Variants in UBE2E2 observed in about 807,000 individuals in gnomAD.
UBE2E2 encodes the protein ubiquitin-conjugating enzyme E2 E2.
Under a neutral mutation model 24.7 loss-of-function variants are expected in UBE2E2, and 6 were observed. The ratio of observed to expected loss-of-function variants is 0.24; its 90% CI spans 0.13 to 0.48. UBE2E2 has a LOEUF of 0.48. UBE2E2 is among the 20% of genes least tolerant of loss of function. The probability of loss-of-function intolerance (pLI) is 0.99; values close to 1 mark genes in which losing one functional copy is unlikely to be tolerated. For missense variants in UBE2E2, 169 were observed against 245.0 expected (o/e 0.69, Z 2.07); for synonymous variants, 104 against 83.6 (o/e 1.24, Z -1.33).
intron 3 of UBE2E2, among the ~76,000 whole-genome samples, chr3:23,260,676 T>A (rs959253513): frequency 6.6e-6 from 1 of 152,092 alleles, no homozygotes; most frequent in Non-Finnish European, 1.5e-5. Context: ...GCGAGCATGG[T>A]GGTGCATGCT....
chr3:23,325,910 C>A (rs1377344838), intron 3 of UBE2E2, among the ~76,000 whole-genome samples: 1 of 152,194 alleles, frequency 6.6e-6, no homozygotes, highest in Admixed American at 6.5e-5. Flanking sequence ...GATATAGTCA[C>A]ACTGTGAGTA....
intron 3 of UBE2E2, among the ~76,000 whole-genome samples, chr3:23,466,194 A>AT (rs1698915297): frequency 6.6e-6 from 1 of 152,216 alleles, no homozygotes; most frequent in Admixed American, 6.5e-5. Context: ...TGACTTCATG[A>AT]TTTTTTAAAG....
intron 3 of UBE2E2, among the ~76,000 whole-genome samples, chr3:23,463,532 G>T (rs1326519135): frequency 6.6e-6 from 1 of 152,012 alleles, no homozygotes; most frequent in African/African-American, 2.4e-5. Context: ...TTTAGCCTGT[G>T]GGACCCTCTT....
At chr3:23,382,992 T>C (rs1696714028) in intron 3 of UBE2E2, among the ~76,000 whole-genome samples, 1 of 152,120 alleles carries the variant, frequency 6.6e-6, no homozygotes, top group South Asian at 2.1e-4. Context: ...TTAACTGAAG[T>C]CTAAGAAGAG....
Position 23,520,126 on chromosome 3 carries a change from T to TAA in UBE2E2, c.361-12419_361-12418dup, listed in dbSNP as rs5847237. On this transcript the variant is annotated intron_variant, in intron 4 of 5. Coordinates refer to ENST00000396703, the MANE Select transcript of UBE2E2 (RefSeq NM_152653.4). ...ATTTTTTTCTGTCATTTTCTTTAAT[T>TAA]AAAAAAAAAACTTTGAGGGTGTGGG... Among the ~76,000 whole-genome samples, 4 of 149,514 alleles carry TAA rather than the reference T, an allele frequency of 2.7e-5. No individual in the cohort carries two copies. The South Asian group carries it at 6.3e-4, about 24-fold the overall frequency.
rs35902301 is a variant in UBE2E2, at chr3:23,576,921, G to GTT, written c.509-12802_509-12801dup. 9.9e-4 allele frequency among the ~76,000 whole-genome samples: 146 copies of GTT among 147,166 alleles called. 3 individuals are homozygous for GTT. In the East Asian group the frequency reaches 0.016, roughly 16 times the overall value. The stretch of plus-strand genomic sequence containing the variant: ...GTGTTTCACATATACTGTTGTTATT[G>GTT]TTTTTTTTTTTTAACAAATTGAAGG... On this transcript the variant is annotated intron_variant, in intron 5 of 5. Coordinates refer to ENST00000396703, the MANE Select transcript of UBE2E2 (RefSeq NM_152653.4).
rs572596203 is a variant in UBE2E2 at position 23,318,305 on chromosome 3, C to T, written c.227+100993C>T. On this transcript the variant is annotated intron_variant, in intron 3 of 5. Transcript: ENST00000396703. ...TGAGCCTCCTGAGTAGCTGGGACTA[C>T]CAGCAACACAGCTAACCTTTCATTA... is the stretch of plus-strand genomic sequence containing the variant. 2.6e-5 allele frequency among the ~76,000 whole-genome samples: 4 copies of T among 152,134 alleles called. No individual in the cohort carries two copies. The South Asian group carries it at 8.3e-4, about 32-fold the overall frequency.
intron 5 of UBE2E2, among the ~76,000 whole-genome samples, chr3:23,550,319 A>T (rs960267189): frequency 6.6e-6 from 1 of 152,122 alleles, no homozygotes; most frequent in Non-Finnish European, 1.5e-5. Context: ...GTATTCCCCT[A>T]TGCAACCCCA....
chr3:23,217,190 A>G, intron 2 of UBE2E2, 72 bp from the exon 3 acceptor site: 1 of 1,306,544 alleles, frequency 7.7e-7, no homozygotes, highest in Middle Eastern at 1.9e-4. Context: ...ATTAAAATGT[A>G]ACGTTTTAAT....
intron 3 of UBE2E2, among the ~76,000 whole-genome samples, chr3:23,291,215 G>A (rs1280805193): frequency 6.6e-6 from 1 of 152,134 alleles, no homozygotes; most frequent in Non-Finnish European, 1.5e-5. Flanking sequence ...CAAAAAGGTG[G>A]TTGAATTTCA....
chr3:23,414,359 C>G (rs765713688), intron 3 of UBE2E2, among the ~76,000 whole-genome samples: 1 of 152,094 alleles, frequency 6.6e-6, no homozygotes, highest in Non-Finnish European at 1.5e-5. Flanking sequence ...AAGGTCCTGA[C>G]ATAGTGCTTG....
At chr3:23,283,951 T>C (rs1319244284) in intron 3 of UBE2E2, among the ~76,000 whole-genome samples, 1 of 152,206 alleles carries the variant, frequency 6.6e-6, no homozygotes, top group African/African-American at 2.4e-5. Flanking sequence ...TAGATACTTT[T>C]GCAGTTTGAA....
At chr3:23,522,128 ATTT>A (rs34111484) in intron 4 of UBE2E2, among the ~76,000 whole-genome samples, 11 of 124,274 alleles carry the variant, frequency 8.9e-5, no homozygotes, top group African/African-American at 1.9e-4. Context: ...TAACCAGCTA[ATTT>A]TTTTTTTTTT....
At chr3:23,225,948 C>T (rs1459776487) in intron 3 of UBE2E2, among the ~76,000 whole-genome samples, 3 of 151,978 alleles carry the variant, frequency 2.0e-5, no homozygotes, top group Admixed American at 6.6e-5. Flanking sequence ...GGCACCATAC[C>T]AGCCCACTGC....
chr3:23,394,278 T>C (rs1186778438), intron 3 of UBE2E2, among the ~76,000 whole-genome samples: 2 of 152,214 alleles, frequency 1.3e-5, no homozygotes, highest in Non-Finnish European at 2.9e-5. Flanking sequence ...AATGGATCAA[T>C]ATTTATTTTA....
intron 3 of UBE2E2, among the ~76,000 whole-genome samples, chr3:23,239,745 G>T (rs1224900290): frequency 2.0e-5 from 3 of 152,160 alleles, no homozygotes; most frequent in Non-Finnish European, 2.9e-5. Flanking sequence ...TGCTAAGTCT[G>T]TTGGGTGATA....
intron 3 of UBE2E2, among the ~76,000 whole-genome samples, chr3:23,489,984 G>T (rs1053970071): frequency 1.3e-5 from 2 of 152,062 alleles, no homozygotes; most frequent in African/African-American, 4.8e-5. Context: ...GCAAGGAAAG[G>T]AAGGTATAGT....
chr3:23,511,112 T>C (rs1166233206), intron 4 of UBE2E2, among the ~76,000 whole-genome samples: 1 of 152,208 alleles, frequency 6.6e-6, no homozygotes, highest in Admixed American at 6.5e-5. Flanking sequence ...TAGAATAGGA[T>C]TTTTTCAACT....
chr3:23,458,426 G>GGTGGTGGTGGTGGTTGTT (rs1424119249), intron 3 of UBE2E2, among the ~76,000 whole-genome samples: 10 of 147,984 alleles, frequency 6.8e-5, no homozygotes, highest in African/African-American at 2.3e-4. Flanking sequence ...TGGTGGTGGT[G>GGTGGTGGTGGTGGTTGTT]GTTGTTGTTG....
Sources: gnomAD v4.1 joint callset for allele counts (sites outside exome capture counted in the v4.1 genomes callset) on GRCh38, gnomAD v4.1.1 for gene constraint, MANE v1.5 for transcripts, NCBI Gene and HGNC (gene_info 2026-07-23, HGNC 2026-07-21) for gene names.